JPH1: variants seen among roughly 807,000 people sequenced by gnomAD.
JPH1 encodes junctophilin-1.
A neutral mutation model predicts 53.6 loss-of-function variants in JPH1; 12 were observed. That is an observed-to-expected ratio of 0.22 (90% CI 0.14 to 0.36). JPH1 has a LOEUF of 0.36. Among genes scored for constraint, JPH1 ranks in the 10% least tolerant of loss-of-function variants. The probability of loss-of-function intolerance (pLI) is 1.00; values close to 1 mark genes in which losing one functional copy is unlikely to be tolerated. For synonymous variants in JPH1, 375 were observed against 363.8 expected (o/e 1.03, Z -0.35); for missense variants, 808 against 905.5 (o/e 0.89, Z 1.38).
intron 2 of JPH1, among the ~76,000 whole-genome samples, chr8:74,304,022 C>T (rs995514379): frequency 4.6e-5 from 7 of 152,202 alleles, no homozygotes; most frequent in African/African-American, 1.4e-4. Flanking sequence ...GTCCTTTGCA[C>T]CCACCTCTAT....
At chr8:74,304,505 T>C (rs1404961219) in intron 2 of JPH1, among the ~76,000 whole-genome samples, 2 of 152,210 alleles carry the variant, frequency 1.3e-5, no homozygotes, top group African/African-American at 2.4e-5. Flanking sequence ...ATTCTTACCC[T>C]TGAACTCTAA....
intron 2 of JPH1, among the ~76,000 whole-genome samples, chr8:74,303,265 C>T (rs1807736335): frequency 1.3e-5 from 2 of 152,212 alleles, no homozygotes; most frequent in South Asian, 4.1e-4. Context: ...CCAAATACAT[C>T]TTCCCCCATT....
intron 4 of JPH1, among the ~76,000 whole-genome samples, chr8:74,243,876 A>G (rs1435823237): frequency 6.6e-6 from 1 of 152,248 alleles, no homozygotes; most frequent in Non-Finnish European, 1.5e-5. Context: ...GATACTAATA[A>G]CCTGCATCTA....
At chr8:74,277,807 T>A (rs1806891130) in intron 2 of JPH1, among the ~76,000 whole-genome samples, 1 of 152,202 alleles carries the variant, frequency 6.6e-6, no homozygotes, top group Non-Finnish European at 1.5e-5. Flanking sequence ...AGAGAATATT[T>A]ATCCATTTGA....
chr8:74,295,208 G>T (rs1353497722), intron 2 of JPH1, among the ~76,000 whole-genome samples: 2 of 152,108 alleles, frequency 1.3e-5, no homozygotes, highest in African/African-American at 2.4e-5. Flanking sequence ...CAAGTCTCTA[G>T]AAGGTCTCTT....
chr8:74,244,605 T>A lies in JPH1; in HGVS notation c.1829A>T (p.Lys610Met). 1 of 1,614,252 alleles carries A rather than the reference T, an allele frequency of 6.2e-7. No homozygotes were observed. Among genetic ancestry groups the A allele is most frequent in the Middle Eastern group, 1.6e-4 (1 of 6,062 alleles). The change falls in exon 4 of 6, where the codon AAG becomes ATG. Residue 610 changes from lysine to methionine, a missense_variant. By Grantham distance (95) the Lys-to-Met change is moderately conservative. This residue lies in a region of JPH1 where 756 missense variants were observed against 811.9 expected (regional missense o/e 0.93). Transcript: ENST00000342232. ...AKESKAEPKA[K>M]KSELAIPKNP... ...CTTTGGTATAGCAAGTTCAGACTTCTTAGCTTTTGGCTCAGCTTTGCTTTC... is the reference window on the plus strand; with the variant it reads ...CTTTGGTATAGCAAGTTCAGACTTCATAGCTTTTGGCTCAGCTTTGCTTTC...
At chr8:74,304,709 T>C (rs1807783211) in intron 2 of JPH1, among the ~76,000 whole-genome samples, 1 of 152,230 alleles carries the variant, frequency 6.6e-6, no homozygotes, top group South Asian at 2.1e-4. Flanking sequence ...TGATTCAATA[T>C]AGTAAAAGTC....
chr8:74,267,938 G>A (rs575452846), intron 2 of JPH1, among the ~76,000 whole-genome samples: 3 of 152,056 alleles, frequency 2.0e-5, no homozygotes, highest in Admixed American at 1.3e-4. Flanking sequence ...GTGATCCAGT[G>A]GTTTTAAGGA....
At chr8:74,251,463 A>G (rs1806059335) in intron 3 of JPH1, among the ~76,000 whole-genome samples, 1 of 152,202 alleles carries the variant, frequency 6.6e-6, no homozygotes, top group Admixed American at 6.5e-5. Flanking sequence ...TGTCACTCCC[A>G]CTAATGGCAA....
chr8:74,253,687 G>A (rs888799272), intron 3 of JPH1, among the ~76,000 whole-genome samples: 2 of 151,808 alleles, frequency 1.3e-5, no homozygotes, highest in African/African-American at 2.4e-5. Flanking sequence ...TCAAATAGAC[G>A]CAATAAAAAA....
At chr8:74,257,829 C>T (rs988397295) in intron 3 of JPH1, among the ~76,000 whole-genome samples, 5 of 152,026 alleles carry the variant, frequency 3.3e-5, no homozygotes, top group African/African-American at 1.2e-4. Context: ...TTGCCTTGGA[C>T]TTGAACTCTT....
At chr8:74,301,120 T>G (rs72663681) in intron 2 of JPH1, among the ~76,000 whole-genome samples, 49,535 of 151,758 alleles carry the variant, frequency 0.33, 8,214 homozygotes, top group Middle Eastern at 0.4. Flanking sequence ...TTGCAGTCCA[T>G]CAAGTCCTGC....
chr8:74,316,867 TC>T (rs956308655), intron 1 of JPH1, among the ~76,000 whole-genome samples: 1 of 152,218 alleles, frequency 6.6e-6, no homozygotes, highest in African/African-American at 2.4e-5. Context: ...AAAATCAATT[TC>T]CTTTAATTAA....
intron 2 of JPH1, among the ~76,000 whole-genome samples, chr8:74,293,965 T>C (rs1257484968): frequency 2.0e-5 from 3 of 152,162 alleles, no homozygotes; most frequent in Admixed American, 6.5e-5. Context: ...GTGTCTCTTT[T>C]GTAGAGCGCA....
chr8:74,304,795 A>G (rs1040579289), intron 2 of JPH1, among the ~76,000 whole-genome samples: 1 of 152,234 alleles, frequency 6.6e-6, no homozygotes, highest in Non-Finnish European at 1.5e-5. Flanking sequence ...CTGACACTCT[A>G]TTGCATTAAA....
chr8:74,280,480 A>G (rs1468767859), intron 2 of JPH1, among the ~76,000 whole-genome samples: 1 of 152,146 alleles, frequency 6.6e-6, no homozygotes, highest in Non-Finnish European at 1.5e-5. Flanking sequence ...TTGGTTTTTA[A>G]TTTTTGATTA....
chr8:74,244,986 AG>A lies in JPH1; in HGVS notation c.1447del (p.Leu483Ter). 6.2e-7 allele frequency: 1 copy of A among 1,613,906 alleles called. No individual in the cohort carries two copies. The highest frequency in any genetic ancestry group is 8.5e-7 in the Non-Finnish European group (1 of 1,179,976). The part of the protein sequence containing the change: ...SHSPASSPKP[L>X]KKQNPSSGAR... ...CCCTGAGCTGGGGTTTTGCTTCTTC[AG>A]GGGCTTTGGGGAGGAAGCAGGAGAG... On this transcript the variant is annotated frameshift_variant, in exon 4 of 6. Coordinates refer to ENST00000342232, the MANE Select transcript of JPH1 (RefSeq NM_020647.4). LOFTEE classifies it high-confidence loss of function.
rs562573089 is a variant in JPH1, at chr8:74,237,327, A to G, written c.1906-24T>C. ...CCCTGAAAATGAAAGAGAACAAAGT[A>G]ACTATAACTTCTCCATGTTAATATC... On this transcript the variant is annotated intron_variant, in intron 4 of 5. Coordinates refer to ENST00000342232, the MANE Select transcript of JPH1 (RefSeq NM_020647.4). 3.2e-6 allele frequency: 5 copies of G among 1,547,918 alleles called. No homozygotes were observed. In the African/African-American group the frequency reaches 5.5e-5, roughly 17 times the overall value.
At chr8:74,283,712 TGC>T (rs1471573744) in intron 2 of JPH1, among the ~76,000 whole-genome samples, 1 of 152,184 alleles carries the variant, frequency 6.6e-6, no homozygotes, top group Non-Finnish European at 1.5e-5. Context: ...GCGTGCTGAG[TGC>T]ACACACAGCT....
Sources: allele counts gnomAD v4.1 joint callset (sites outside exome capture counted in the v4.1 genomes callset), GRCh38; gene constraint gnomAD v4.1.1; regional missense constraint gnomAD v4.1.1; transcripts MANE v1.5; gene names NCBI Gene and HGNC (gene_info 2026-07-23, HGNC 2026-07-21).